The following ANKRD24 variants were observed in gnomAD, a reference collection of about 807,000 sequenced individuals.
The protein encoded by ANKRD24 is ankyrin repeat domain 24.
In ANKRD24, 109 loss-of-function variants were observed where a neutral mutation model predicts 127.8. The observed-to-expected ratio is 0.85, with a 90% CI of 0.73 to 1.00. ANKRD24 has a LOEUF of 1.00. ANKRD24 is among the 50% of genes least tolerant of loss of function. The pLI, the probability that ANKRD24 is intolerant of heterozygous loss-of-function variation, is 0.00. For missense variants in ANKRD24, 1,648 were observed against 1,570.2 expected (o/e 1.05, Z -0.84); for synonymous variants, 743 against 671.1 (o/e 1.11, Z -1.66).
intron 4 of ANKRD24, 24 bp from the exon 5 acceptor site, chr19:4,200,059 T>C: frequency 1.3e-6 from 2 of 1,572,502 alleles, no homozygotes; most frequent in Non-Finnish European, 1.7e-6. Context: ...ACCTTGCGGC[T>C]GAACCCTTGT....
Position 4,219,677 on chromosome 19 carries a change from A to G in ANKRD24, c.3090A>G (p.Leu1030=). 2 of 1,613,878 alleles carry G rather than the reference A, an allele frequency of 1.2e-6. No individual in the cohort carries two copies. The highest frequency in any genetic ancestry group is 1.7e-6 in the Non-Finnish European group (2 of 1,179,836). Residue 1030 remains leucine (L), a synonymous_variant, in exon 19 of 22, where the codon CTA becomes CTG. Coordinates refer to ENST00000318934, the MANE Select transcript of ANKRD24 (RefSeq NM_001393985.1). Reference sequence around the variant, plus strand: ...CAGCAGAGCAGCAGCTACGGGGGCTACGGACCGAGGCGGAAAGGGCTCGCC... The same window carrying G: ...CAGCAGAGCAGCAGCTACGGGGGCTGCGGACCGAGGCGGAAAGGGCTCGCC... ...LATAEQQLRG[L]RTEAERARQA...
Position 4,208,760 on chromosome 19 carries a change from C to T in ANKRD24, c.833-4C>T. 2 of 1,612,676 alleles carry T rather than the reference C, an allele frequency of 1.2e-6. No individual in the cohort carries two copies. The highest frequency in any genetic ancestry group is 1.7e-6 in the Non-Finnish European group (2 of 1,179,392). ...TGCCTGACCCTGCTTCCCTCTCTCC[C>T]CAGCCCTCACAGAGGATGATTCAGG... On this transcript the variant is annotated splice_polypyrimidine_tract_variant and splice_region_variant and intron_variant, in intron 10 of 21. Coordinates refer to ENST00000318934, the MANE Select transcript of ANKRD24 (RefSeq NM_001393985.1).
chr19:4,217,116 G>A lies in ANKRD24; in HGVS notation c.1956G>A (p.Met652Ile). ...AAACAAAAGCAGAGGAAGCAGAAATGCAGGCCTACGGAGTGGGTGCTGGGC... is the reference window on the plus strand; with the variant it reads ...AAACAAAAGCAGAGGAAGCAGAAATACAGGCCTACGGAGTGGGTGCTGGGC... ...ATKTKAEEAE[M>I]QAYGVGAGQA... Residue 652 changes from methionine to isoleucine, a missense_variant, in exon 18 of 22, where the codon ATG (methionine) becomes ATA (isoleucine). Met to Ile is a conservative substitution (Grantham distance 10, BLOSUM62 1). Transcript: ENST00000318934. 6.2e-7 allele frequency: 1 copy of A among 1,613,800 alleles called. No homozygotes were observed. Among genetic ancestry groups the A allele is most frequent in the Non-Finnish European group, 8.5e-7 (1 of 1,179,858 alleles).
At chr19:4,192,629 G>A (rs1396539550) in intron 2 of ANKRD24, among the ~76,000 whole-genome samples, 1 of 151,768 alleles carries the variant, frequency 6.6e-6, no homozygotes, top group Non-Finnish European at 1.5e-5. Context: ...ACATTCTAAG[G>A]GAGAGATCAA....
At chr19:4,206,229 T>G (rs1969378510) in intron 7 of ANKRD24, among the ~76,000 whole-genome samples, 1 of 151,074 alleles carries the variant, frequency 6.6e-6, no homozygotes, top group Non-Finnish European at 1.5e-5. Context: ...GCATGGTGGC[T>G]GCAGCCTATA....
chr19:4,216,214 A>C, intron 16 of ANKRD24, 70 bp from the exon 17 acceptor site: 1 of 1,460,870 alleles, frequency 6.8e-7, no homozygotes. Context: ...CTGATCCACC[A>C]CTCCAGCCCC....
chr19:4,211,976 G>A (rs984401033), intron 13 of ANKRD24, among the ~76,000 whole-genome samples: 1 of 152,068 alleles, frequency 6.6e-6, no homozygotes, highest in African/African-American at 2.4e-5. Flanking sequence ...TGAGACAGGC[G>A]GATCACGAGG....
At chr19:4,224,220 G>A (rs765376897) in intron 21 of ANKRD24, 28 bp downstream of exon 21, 17 of 1,594,990 alleles carry the variant, frequency 1.1e-5, no homozygotes, top group Non-Finnish European at 1.5e-5. Flanking sequence ...TGGGTACCCG[G>A]TGGCTTTGGG....
intron 2 of ANKRD24, among the ~76,000 whole-genome samples, chr19:4,191,764 G>C (rs1007831701): frequency 2.7e-5 from 4 of 149,274 alleles, no homozygotes; most frequent in Non-Finnish European, 5.9e-5. Flanking sequence ...TTACAGACGT[G>C]AACCACCGTC....
At chr19:4,218,736 T>TC (rs1970278156) in intron 18 of ANKRD24, among the ~76,000 whole-genome samples, 1 of 136,554 alleles carries the variant, frequency 7.3e-6, no homozygotes, top group South Asian at 2.7e-4. Flanking sequence ...CCTCCCCCCT[T>TC]CCCCTTCCCT....
chr19:4,214,102 C>T (rs1445235260), intron 15 of ANKRD24, among the ~76,000 whole-genome samples: 1 of 152,280 alleles, frequency 6.6e-6, no homozygotes, highest in Non-Finnish European at 1.5e-5. Flanking sequence ...ATGCATTGCA[C>T]GTGCACCCGT....
In ANKRD24 at chr19:4,216,623, T is replaced by C. The variant is rs1291011663; in HGVS notation, c.1463T>C (p.Leu488Pro). 3 of 1,610,042 alleles carry C rather than the reference T, an allele frequency of 1.9e-6. No individual in the cohort carries two copies. The highest frequency in any genetic ancestry group is 2.5e-6 in the Non-Finnish European group (3 of 1,178,334). ...EALAEVIPLALYDSLRAEFDQ... is the reference protein window; with the variant it reads ...EALAEVIPLAPYDSLRAEFDQ... ...TTGGCAGAGGTCATCCCTCTTGCCC[T>C]CTATGACTCTCTCCGGGCCGAGTTT... is the stretch of plus-strand genomic sequence containing the variant. The change falls in exon 18 of 22, where the codon CTC (leucine) becomes CCC (proline). Residue 488 changes from leucine to proline, a missense_variant. By Grantham distance (98) the Leu-to-Pro change is moderately conservative (BLOSUM62 -3). Transcript: ENST00000318934.
intron 2 of ANKRD24, among the ~76,000 whole-genome samples, chr19:4,189,015 G>T (rs1214552543): frequency 6.6e-6 from 1 of 150,500 alleles, no homozygotes; most frequent in Admixed American, 6.6e-5. Context: ...TCACTATGTT[G>T]GTCAGGCTGG....
At chr19:4,194,450 G>C (rs1353457162) in intron 2 of ANKRD24, among the ~76,000 whole-genome samples, 1 of 152,162 alleles carries the variant, frequency 6.6e-6, no homozygotes, top group African/African-American at 2.4e-5. Context: ...ACCGCACCTA[G>C]CCAGAAATGT....
In ANKRD24 at chr19:4,212,572, G is replaced by T. The variant is rs899188285; in HGVS notation, c.1099-28G>T. 2.6e-6 allele frequency: 4 copies of T among 1,548,554 alleles called. No individual in the cohort carries two copies. The Admixed American group carries it at 7.9e-5, about 31-fold the overall frequency. ...TGCTGCCCAGCCTTTCCTCCCAGAGGCAGCTGAGCCTCCACTGCTGCTCCC... is the reference window on the plus strand; with the variant it reads ...TGCTGCCCAGCCTTTCCTCCCAGAGTCAGCTGAGCCTCCACTGCTGCTCCC... On this transcript the variant is annotated intron_variant, in intron 14 of 21. Coordinates refer to ENST00000318934, the MANE Select transcript of ANKRD24 (RefSeq NM_001393985.1).
intron 2 of ANKRD24, among the ~76,000 whole-genome samples, chr19:4,197,395 ATGAACAAATGAATGAATGGGTGG>A (rs1157973001): frequency 3.9e-5 from 6 of 152,046 alleles, no homozygotes; most frequent in Admixed American, 6.6e-5. Context: ...TGGTGCGGGA[ATGAACAAATGAATGAATGGGTGG>A]TGAACAAATG....
intron 1 of ANKRD24, among the ~76,000 whole-genome samples, chr19:4,184,542 A>G (rs1967948081): frequency 6.6e-6 from 1 of 152,186 alleles, no homozygotes; most frequent in African/African-American, 2.4e-5. Flanking sequence ...CCCGGCCATC[A>G]GGCCCTTCTT....
chr19:4,213,716 C>T (rs554619147), intron 15 of ANKRD24, among the ~76,000 whole-genome samples: 30 of 151,972 alleles, frequency 2.0e-4, no homozygotes, highest in Middle Eastern at 3.4e-3. Context: ...CTGCAACCTC[C>T]GCCTCCCTGG....
intron 1 of ANKRD24, chr19:4,183,463 C>A: frequency 1.9e-6 from 1 of 533,738 alleles, no homozygotes; most frequent in Non-Finnish European, 2.4e-6. Flanking sequence ...CGGGTGGACA[C>A]AAACATGTGA....
Sources: gnomAD v4.1 joint callset for allele counts (sites outside exome capture counted in the v4.1 genomes callset) on GRCh38, gnomAD v4.1.1 for gene constraint, MANE v1.5 for transcripts, NCBI Gene and HGNC (gene_info 2026-07-23, HGNC 2026-07-21) for gene names.